The following DOP1B variants were observed in gnomAD, a reference collection of about 807,000 sequenced individuals.
DOP1B encodes DOP1 leucine zipper like protein B, also known as protein DOP1B.
In DOP1B, 174 loss-of-function variants were observed where a neutral mutation model predicts 233.5. The ratio of observed to expected loss-of-function variants is 0.75; its 90% CI spans 0.66 to 0.85. DOP1B has a LOEUF of 0.85. Ranked by LOEUF, DOP1B falls within the 40% of genes least tolerant of loss-of-function variation. The probability of loss-of-function intolerance (pLI) is 0.00; values close to 1 mark genes in which losing one functional copy is unlikely to be tolerated. For synonymous variants in DOP1B, 1,190 were observed against 1,185.6 expected (o/e 1.00, Z -0.08); for missense variants, 2,652 against 2,846.6 (o/e 0.93, Z 1.56).
intron 2 of DOP1B, among the ~76,000 whole-genome samples, chr21:36,181,854 T>C (rs931692415): frequency 2.8e-5 from 4 of 144,974 alleles, no homozygotes; most frequent in African/African-American, 1.1e-4. Context: ...GGGTCTGTAG[T>C]GTTTCACCAT....
At chr21:36,222,535 G>A (rs1032681454) in intron 10 of DOP1B, among the ~76,000 whole-genome samples, 2 of 151,074 alleles carry the variant, frequency 1.3e-5, no homozygotes, top group Admixed American at 1.3e-4. Context: ...GCAGTGAGCC[G>A]AGATTGTACC....
At chr21:36,183,571 A>G (rs1328656098) in intron 2 of DOP1B, among the ~76,000 whole-genome samples, 4 of 152,182 alleles carry the variant, frequency 2.6e-5, no homozygotes, top group African/African-American at 9.6e-5. Context: ...CAGCTGTTGG[A>G]GTGGTTTCTG....
intron 27 of DOP1B, among the ~76,000 whole-genome samples, chr21:36,274,742 A>G (rs2067330901): frequency 6.6e-6 from 1 of 152,054 alleles, no homozygotes; most frequent in African/African-American, 2.4e-5. Context: ...GAGGATGGGA[A>G]TGGAGCAAGG....
intron 1 of DOP1B, among the ~76,000 whole-genome samples, chr21:36,159,535 G>A (rs764409022): frequency 5.3e-4 from 81 of 152,166 alleles, no homozygotes; most frequent in Non-Finnish European, 6.5e-4. Context: ...AGCATACCAC[G>A]TGCCCCATAT....
At position 36,253,636 on chromosome 21, in the gene DOP1B, TCA is replaced by T; in HGVS notation, c.5122-135_5122-134del. 3 of 743,114 alleles carry T rather than the reference TCA, an allele frequency of 4.0e-6. No homozygotes were observed. The East Asian group carries it at 8.5e-5, about 21-fold the overall frequency. 46.0% of individuals were successfully genotyped at this position (743,114 alleles called of 1,614,324 possible). A position where few individuals can be genotyped will look rare whatever the true frequency, so the allele number is the denominator to read the frequency against. On this transcript the variant is annotated intron_variant, in intron 22 of 36. Coordinates refer to ENST00000691173, the MANE Select transcript of DOP1B (RefSeq NM_001320714.2). Reference sequence around the variant, plus strand: ...CTGGGTGACAGAGTGAGACCGTGTTTCAAAAAAAAAAAAAAAGAGATGAAAAC... The same window carrying T: ...CTGGGTGACAGAGTGAGACCGTGTTTAAAAAAAAAAAAAAGAGATGAAAAC...
chr21:36,183,414 C>T (rs1313353418), intron 2 of DOP1B, among the ~76,000 whole-genome samples: 1 of 152,224 alleles, frequency 6.6e-6, no homozygotes, highest in Non-Finnish European at 1.5e-5. Flanking sequence ...CTGTTCTTTA[C>T]AGCCACACAT....
chr21:36,265,892 A>G (rs140126083), intron 26 of DOP1B, among the ~76,000 whole-genome samples: 1 of 152,242 alleles, frequency 6.6e-6, no homozygotes, highest in Non-Finnish European at 1.5e-5. Context: ...CCCACCAGCA[A>G]CCAAGCTAGT....
At chr21:36,238,150 G>T (rs1216698559) in intron 16 of DOP1B, among the ~76,000 whole-genome samples, 2 of 152,204 alleles carry the variant, frequency 1.3e-5, no homozygotes, top group African/African-American at 4.8e-5. Context: ...TTGGGTGACA[G>T]AGCAAGACTC....
intron 2 of DOP1B, among the ~76,000 whole-genome samples, chr21:36,167,680 G>T (rs945587587): frequency 6.6e-6 from 1 of 151,798 alleles, no homozygotes; most frequent in Non-Finnish European, 1.5e-5. Flanking sequence ...AAGGAAACCC[G>T]TACCCATTCA....
chr21:36,181,673 A>C (rs1223895030), intron 2 of DOP1B, among the ~76,000 whole-genome samples: 1 of 152,198 alleles, frequency 6.6e-6, no homozygotes, highest in Non-Finnish European at 1.5e-5. Context: ...AGAGAAGCAC[A>C]CATACTGAGG....
chr21:36,250,927 T>A (rs962643187), intron 21 of DOP1B, among the ~76,000 whole-genome samples: 1 of 152,170 alleles, frequency 6.6e-6, no homozygotes, highest in Non-Finnish European at 1.5e-5. Flanking sequence ...GGCTGCTCAC[T>A]GCCCCTTCCC....
Position 36,293,432 on chromosome 21 carries a change from C to T in DOP1B, c.6758C>T (p.Ala2253Val). The T allele has an allele frequency of 6.2e-7, 1 of 1,614,200 alleles. No individual in the cohort carries two copies. The highest frequency in any genetic ancestry group is 8.5e-7 in the Non-Finnish European group (1 of 1,180,030). ...LMPFFMTLNG[A>V]FKTQRQLPAD... The stretch of plus-strand genomic sequence containing the variant: ...CCATTCTTCATGACTCTAAATGGTG[C>T]ATTTAAGACCCAGAGACAGCTGCCT... The change falls in exon 37 of 37, where the codon GCA (alanine) becomes GTA (valine). Residue 2253 changes from alanine (A) to valine (V), a missense_variant. Ala to Val is a moderately conservative substitution (Grantham distance 64). This residue lies in a region of DOP1B where 2,617 missense variants were observed against 2,794.3 expected (regional missense o/e 0.94). Transcript: ENST00000691173.
At chr21:36,234,866 T>TA (rs35876108) in intron 15 of DOP1B, among the ~76,000 whole-genome samples, 44,289 of 152,038 alleles carry the variant, frequency 0.29, 7,135 homozygotes, top group East Asian at 0.55. Flanking sequence ...TGACATGTAA[T>TA]ATTGTATATA....
intron 4 of DOP1B, among the ~76,000 whole-genome samples, chr21:36,206,829 C>T (rs1410055818): frequency 6.6e-6 from 1 of 152,346 alleles, no homozygotes; most frequent in East Asian, 1.9e-4. Context: ...TAACCTCAGC[C>T]ATTAAATCGC....
chr21:36,253,045 C>A (rs2067049487), intron 22 of DOP1B, among the ~76,000 whole-genome samples: 1 of 152,192 alleles, frequency 6.6e-6, no homozygotes, highest in African/African-American at 2.4e-5. Context: ...CCAAGGCCAC[C>A]CTCCTGAGCG....
chr21:36,268,684 T>C (rs1477436730), intron 26 of DOP1B, among the ~76,000 whole-genome samples: 1 of 152,104 alleles, frequency 6.6e-6, no homozygotes, highest in Non-Finnish European at 1.5e-5. Context: ...TTGTTCGGGG[T>C]CGCTGACTTC....
chr21:36,159,312 G>T (rs11700935), intron 1 of DOP1B, among the ~76,000 whole-genome samples: 53,859 of 151,478 alleles, frequency 0.36, 10,718 homozygotes, highest in Admixed American at 0.44. Flanking sequence ...TTAGCCGGGC[G>T]TGGTGGCACC....
intron 9 of DOP1B, 46 bp downstream of exon 9, chr21:36,214,602 C>T (rs746687385): frequency 4.0e-6 from 6 of 1,494,828 alleles, no homozygotes; most frequent in Non-Finnish European, 5.5e-6. Context: ...ATACAGATTA[C>T]CTGTTTTCAG....
At chr21:36,199,685 T>C (rs1057216578) in intron 3 of DOP1B, among the ~76,000 whole-genome samples, 1 of 151,826 alleles carries the variant, frequency 6.6e-6, no homozygotes, top group African/African-American at 2.4e-5. Context: ...GAACATGCCA[T>C]GTTTGGTTTT....
Sources: gnomAD v4.1 joint callset for allele counts (sites outside exome capture counted in the v4.1 genomes callset) on GRCh38, gnomAD v4.1.1 for gene constraint, gnomAD v4.1.1 regional missense constraint, MANE v1.5 for transcripts, NCBI Gene and HGNC (gene_info 2026-07-23, HGNC 2026-07-21) for gene names.